SRBD1: variants seen among roughly 807,000 people sequenced by gnomAD.
SRBD1 encodes the protein S1 RNA binding domain 1.
A neutral mutation model predicts 115.3 loss-of-function variants in SRBD1; 88 were observed. The observed-to-expected ratio is 0.76, with a 90% CI of 0.64 to 0.91. The LOEUF (loss-of-function observed/expected upper bound fraction) is 0.91. SRBD1 is among the 40% of genes least tolerant of loss of function. The pLI, the probability that SRBD1 is intolerant of heterozygous loss-of-function variation, is 0.00. For missense variants in SRBD1, 1,385 were observed against 1,177.4 expected, an observed-to-expected ratio of 1.18 and a Z score of -2.58; for synonymous variants, 509 against 407.7, an observed-to-expected ratio of 1.25 and a Z score of -2.99.
At chr2:45,597,747 C>G (rs1211262080) in intron 4 of SRBD1, among the ~76,000 whole-genome samples, 1 of 152,150 alleles carries the variant, frequency 6.6e-6, no homozygotes, top group Non-Finnish European at 1.5e-5. Flanking sequence ...GTGAAAAACT[C>G]TTTTCTACTT....
intron 16 of SRBD1, among the ~76,000 whole-genome samples, chr2:45,462,073 G>T (rs1164966798): frequency 2.6e-5 from 4 of 152,172 alleles, no homozygotes; most frequent in African/African-American, 9.7e-5. Context: ...GAATCATTTT[G>T]TAGATAAACT....
intron 16 of SRBD1, among the ~76,000 whole-genome samples, chr2:45,437,510 T>C (rs1014455683): frequency 6.6e-6 from 1 of 152,072 alleles, no homozygotes. Context: ...CAACTGGACA[T>C]CAACTTGCAA....
At chr2:45,546,435 A>G (rs919394933) in intron 14 of SRBD1, 19 of 761,662 alleles carry the variant, frequency 2.5e-5, no homozygotes, top group African/African-American at 1.1e-4. Context: ...TTATTATTCA[A>G]TAGTTAACTA....
chr2:45,415,514 GTGTATA>G (rs1469055312), intron 18 of SRBD1, among the ~76,000 whole-genome samples: 3 of 145,900 alleles, frequency 2.1e-5, no homozygotes, highest in Non-Finnish European at 4.5e-5. Context: ...TAGTGTGTAT[GTGTATA>G]TGTATATACA....
intron 14 of SRBD1, among the ~76,000 whole-genome samples, chr2:45,542,218 T>C (rs2082877): frequency 0.52 from 79,850 of 152,144 alleles, 21,458 homozygotes; most frequent in African/African-American, 0.58. Context: ...CAGCACTGCC[T>C]CGAGTGCAGG....
chr2:45,506,228 C>T (rs1480966866), intron 14 of SRBD1, among the ~76,000 whole-genome samples: 1 of 152,034 alleles, frequency 6.6e-6, no homozygotes, highest in Non-Finnish European at 1.5e-5. Flanking sequence ...TACAATCCAT[C>T]CATGGAAAAA....
At chr2:45,562,485 G>C (rs145242195) in intron 10 of SRBD1, among the ~76,000 whole-genome samples, 168 bp downstream of exon 10, 1 of 152,276 alleles carries the variant, frequency 6.6e-6, no homozygotes, top group East Asian at 1.9e-4. Context: ...ACCCCCCTCA[G>C]CCTCCGAAAG....
At chr2:45,610,917 G>T (rs1237905474) in intron 1 of SRBD1, among the ~76,000 whole-genome samples, 2 of 132,846 alleles carry the variant, frequency 1.5e-5, no homozygotes, top group East Asian at 2.2e-4. Context: ...GACAGAGGGA[G>T]ACTCCGTCTC....
intron 10 of SRBD1, among the ~76,000 whole-genome samples, chr2:45,560,274 T>TTAG (rs2104094949): frequency 1.3e-5 from 2 of 152,338 alleles, no homozygotes; most frequent in South Asian, 4.1e-4. Flanking sequence ...CCTTGACATT[T>TTAG]ACTTAGTCTA....
intron 14 of SRBD1, among the ~76,000 whole-genome samples, chr2:45,510,798 C>G (rs1310776025): frequency 2.6e-5 from 4 of 152,002 alleles, no homozygotes; most frequent in African/African-American, 9.7e-5. Flanking sequence ...AATTTTTTTT[C>G]TATTGATATG....
chr2:45,445,347 T>A lies in SRBD1; in HGVS notation c.2050-25453A>T, dbSNP rs187362445. 1.1e-4 allele frequency among the ~76,000 whole-genome samples: 17 copies of A among 152,052 alleles called. No individual in the cohort carries two copies. The East Asian group carries it at 2.9e-3, about 26-fold the overall frequency. Reference sequence around the variant, plus strand: ...AAGGAATTTTCTTTTTACCCATTCATCTCTAGTGACAAATTTGTGGCATTT... The same window carrying A: ...AAGGAATTTTCTTTTTACCCATTCAACTCTAGTGACAAATTTGTGGCATTT... On this transcript the variant is annotated intron_variant, in intron 16 of 20. Coordinates refer to ENST00000263736, the MANE Select transcript of SRBD1 (RefSeq NM_018079.5).
rs1558563922 is a variant in SRBD1 at position 45,414,926 on chromosome 2, CACACACAGTGTTATATAGTATGTACAT to C, written c.2334-1660_2334-1634del. On this transcript the variant is annotated intron_variant, in intron 18 of 20. Transcript: ENST00000263736. ...ACATATAGTGTGTATATAGTATGTA[CACACACAGTGTTATATAGTATGTACAT>C]ACACACACATATAGTGTGTATATAG... is the stretch of plus-strand genomic sequence containing the variant. Among the ~76,000 whole-genome samples, 125 of 90,422 alleles carry C rather than the reference CACACACAGTGTTATATAGTATGTACAT, an allele frequency of 1.4e-3. 3 individuals carry two copies. The highest frequency in any genetic ancestry group is 6.1e-3 in the East Asian group (25 of 4,094). The allele number at this position is 90,422 out of a possible 152,430, so 59.3% of individuals were successfully genotyped here.
chr2:45,526,161 C>T (rs918954241), intron 14 of SRBD1, among the ~76,000 whole-genome samples: 1 of 151,968 alleles, frequency 6.6e-6, no homozygotes, highest in African/African-American at 2.4e-5. Flanking sequence ...CGAATGTTTA[C>T]AGCAGCATTA....
intron 14 of SRBD1, among the ~76,000 whole-genome samples, chr2:45,513,763 TA>T (rs1671040682): frequency 6.7e-6 from 1 of 149,532 alleles, no homozygotes; most frequent in Non-Finnish European, 1.5e-5. Flanking sequence ...AATCTGAATG[TA>T]AATTCGGTCT....
intron 19 of SRBD1, among the ~76,000 whole-genome samples, chr2:45,400,775 A>G (rs1667271000): frequency 6.6e-6 from 1 of 152,124 alleles, no homozygotes; most frequent in African/African-American, 2.4e-5. Flanking sequence ...GAGATATGGT[A>G]CTATTATTAC....
At chr2:45,582,184 T>C (rs1164239142) in intron 5 of SRBD1, among the ~76,000 whole-genome samples, 2 of 152,150 alleles carry the variant, frequency 1.3e-5, no homozygotes, top group Non-Finnish European at 2.9e-5. Context: ...TAAAACAATA[T>C]TTTAGTCTCT....
chr2:45,596,988 T>TAACAAA (rs139080511), intron 4 of SRBD1, among the ~76,000 whole-genome samples: 3 of 140,882 alleles, frequency 2.1e-5, no homozygotes, highest in Admixed American at 7.1e-5. Context: ...CCCACAACCC[T>TAACAAA]CACACACACA....
chr2:45,431,798 C>A (rs934929219), intron 16 of SRBD1, among the ~76,000 whole-genome samples: 10 of 151,782 alleles, frequency 6.6e-5, no homozygotes, highest in African/African-American at 2.4e-4. Flanking sequence ...AAAAACAAAC[C>A]AGTAGACCAG....
At chr2:45,408,108 A>G (rs571383099) in intron 19 of SRBD1, among the ~76,000 whole-genome samples, 80 of 152,360 alleles carry the variant, frequency 5.3e-4, no homozygotes, top group African/African-American at 1.9e-3. Context: ...TGACATAATT[A>G]AAACATGAAA....
Sources: allele counts gnomAD v4.1 joint callset (sites outside exome capture counted in the v4.1 genomes callset), GRCh38; gene constraint gnomAD v4.1.1; transcripts MANE v1.5; gene names NCBI Gene and HGNC (gene_info 2026-07-23, HGNC 2026-07-21).